CPSF7: variants seen among roughly 807,000 people sequenced by gnomAD.
CPSF7 encodes cleavage and polyadenylation specific factor 7.
CPSF7 carries 1 observed loss-of-function variant against 44.3 expected under a neutral mutation model. The observed-to-expected ratio is 0.02, with a 90% confidence interval of 0.01 to 0.11. The LOEUF (loss-of-function observed/expected upper bound fraction) is 0.11. CPSF7 is among the 10% of genes least tolerant of loss of function. CPSF7 has a pLI of 1.00. For synonymous variants in CPSF7, 202 were observed against 222.0 expected (o/e 0.91, Z 0.80); for missense variants, 443 against 607.2 (o/e 0.73, Z 2.84).
At chr11:61,429,498 C>G in intron 1 of CPSF7, 2 of 533,830 alleles carry the variant, frequency 3.7e-6, no homozygotes, top group Non-Finnish European at 6.4e-6. Flanking sequence ...TCGGGCCCGA[C>G]CCGGGTAGCG....
At chr11:61,419,904 C>T (rs955160199) in intron 5 of CPSF7, 45 bp downstream of exon 5, 5 of 1,603,684 alleles carry the variant, frequency 3.1e-6, no homozygotes, top group Non-Finnish European at 4.3e-6. Context: ...CCCCCTCATA[C>T]AGATGGTCTC....
chr11:61,422,916 T>G (rs960087891), intron 2 of CPSF7, among the ~76,000 whole-genome samples: 2 of 151,800 alleles, frequency 1.3e-5, no homozygotes, highest in Non-Finnish European at 2.9e-5. Context: ...GCAAACTGCT[T>G]GAGCCCAAGA....
At position 61,421,467 on chromosome 11, in the gene CPSF7, T is replaced by C. The variant is rs1860874009; in HGVS notation, c.196A>G (p.Lys66Glu). 1 of 1,614,096 alleles carries C rather than the reference T, an allele frequency of 6.2e-7. No individual in the cohort carries two copies. Among genetic ancestry groups the C allele is most frequent in the Non-Finnish European group, 8.5e-7 (1 of 1,180,000 alleles). Reference protein sequence around the residue: ...RQEPSPKPNNKTPAILYTYSG... With the variant: ...RQEPSPKPNNETPAILYTYSG... ...TAGGTATACAGAATTGCAGGGGTCTTGTTGTTGGGCTTGGGAGATGGCTCC... is the reference window on the plus strand; with the variant it reads ...TAGGTATACAGAATTGCAGGGGTCTCGTTGTTGGGCTTGGGAGATGGCTCC... Residue 66 changes from lysine to glutamate, a missense_variant, in exon 3 of 10, where the codon AAG (lysine) becomes GAG (glutamate). Transcript: ENST00000439958.
chr11:61,405,411 T>C (rs765053686), intron 9 of CPSF7, among the ~76,000 whole-genome samples: 1 of 152,102 alleles, frequency 6.6e-6, no homozygotes. Flanking sequence ...CCAGGAAACA[T>C]ACTAACACTA....
In CPSF7 at chr11:61,428,093, C is replaced by A. The variant is rs142731305; in HGVS notation, c.54+1089G>T. ...AAATAACCCAGGCAAGATATTAGTA[C>A]GTTTTCAATAGAAATTTTGGAACAT... On this transcript the variant is annotated intron_variant, in intron 2 of 9. Transcript: ENST00000439958. Among the ~76,000 whole-genome samples the A allele has an allele frequency of 7.2e-5, 11 of 152,282 alleles. No individual in the cohort carries two copies. In the East Asian group the frequency reaches 1.4e-3, roughly 19 times the overall value.
intron 2 of CPSF7, among the ~76,000 whole-genome samples, chr11:61,428,243 C>T (rs1861588092): frequency 6.6e-6 from 1 of 152,132 alleles, no homozygotes; most frequent in Non-Finnish European, 1.5e-5. Context: ...GTGCAGCGGC[C>T]CAATCATGGC....
intron 2 of CPSF7, among the ~76,000 whole-genome samples, chr11:61,427,869 A>G (rs1216986053): frequency 2.0e-5 from 3 of 152,144 alleles, no homozygotes; most frequent in Admixed American, 2.0e-4. Context: ...CAAAAAATAG[A>G]TTTTCATGTA....
At chr11:61,406,798 A>G (rs1302281773) in intron 9 of CPSF7, among the ~76,000 whole-genome samples, 2 of 152,132 alleles carry the variant, frequency 1.3e-5, no homozygotes, top group African/African-American at 4.8e-5. Flanking sequence ...GCTGGAGTGC[A>G]GTGGCACAAA....
intron 9 of CPSF7, among the ~76,000 whole-genome samples, chr11:61,408,839 T>C (rs1859572486): frequency 6.6e-6 from 1 of 152,210 alleles, no homozygotes; most frequent in Non-Finnish European, 1.5e-5. Flanking sequence ...TCTCCATTAC[T>C]TAAGAGTTTT....
Position 61,429,268 on chromosome 11 carries a change from T to C in CPSF7, c.-33A>G. The C allele has an allele frequency of 6.2e-7, 1 of 1,612,676 alleles. No homozygotes were observed. The highest frequency in any genetic ancestry group is 8.5e-7 in the Non-Finnish European group (1 of 1,178,814). On this transcript the variant is annotated 5_prime_UTR_variant, in exon 2 of 10. Coordinates refer to ENST00000439958, the MANE Select transcript of CPSF7 (RefSeq NM_001142565.3). ...GAAGGAAGATCGCGAGTCCGGAGGA[T>C]GGACAAAGTAAGGAAGATGCCACTG...
rs1861763174 is a variant in CPSF7 at position 61,429,662 on chromosome 11, G to T, written c.-56+252C>A. On this transcript the variant is annotated intron_variant, in intron 1 of 9. Coordinates refer to ENST00000439958, the MANE Select transcript of CPSF7 (RefSeq NM_001142565.3). Reference sequence around the variant, plus strand: ...AGCCCCCAAGGCGGCTCCGGCCAGAGCCCCCAGGTGTCAAGCAGCTCCAGC... The same window carrying T: ...AGCCCCCAAGGCGGCTCCGGCCAGATCCCCCAGGTGTCAAGCAGCTCCAGC... The T allele has an allele frequency of 2.9e-6, 4 of 1,379,044 alleles. No homozygotes were observed. In the Admixed American group the frequency reaches 8.2e-5, roughly 28 times the overall value. 85.4% of individuals were successfully genotyped at this position (1,379,044 alleles called of 1,614,324 possible).
intron 1 of CPSF7, chr11:61,429,521 C>T (rs958651791): frequency 5.2e-5 from 28 of 542,974 alleles, no homozygotes; most frequent in Admixed American, 4.4e-4. Flanking sequence ...GCGTCTGCGC[C>T]GCAGCTGCCT....
At position 61,411,048 on chromosome 11, in the gene CPSF7, C is replaced by T. The variant is rs1480096262; in HGVS notation, c.1284G>A (p.Arg428=). The stretch of plus-strand genomic sequence containing the variant: ...CTTCATTATGAAGCAGATCCCGGTG[C>T]CTCCTGCTGCTCTCCCGGGACCGGC... The part of the protein sequence containing the change: ...SPSRSRESSR[R]HRDLLHNEDR... The change falls in exon 9 of 10, where the codon AGG becomes AGA. Residue 428 remains arginine, a synonymous_variant. Coordinates refer to ENST00000439958, the MANE Select transcript of CPSF7 (RefSeq NM_001142565.3). 6 of 1,613,512 alleles carry T rather than the reference C, an allele frequency of 3.7e-6. No individual in the cohort carries two copies. Among genetic ancestry groups the T allele is most frequent in the Non-Finnish European group, 5.1e-6 (6 of 1,179,924 alleles).
At chr11:61,426,541 T>C (rs772515889) in intron 2 of CPSF7, 3 of 152,182 alleles carry the variant, frequency 2.0e-5, no homozygotes, top group Admixed American at 6.5e-5. Flanking sequence ...ATACTACCTT[T>C]AGCCTGTCTT....
chr11:61,418,499 A>C (rs1173683536), intron 5 of CPSF7, among the ~76,000 whole-genome samples: 1 of 152,192 alleles, frequency 6.6e-6, no homozygotes, highest in Non-Finnish European at 1.5e-5. Context: ...TTCATAAACC[A>C]TAACACCAAT....
At chr11:61,412,458 G>A (rs536520264) in intron 7 of CPSF7, among the ~76,000 whole-genome samples, 90 of 152,018 alleles carry the variant, frequency 5.9e-4, no homozygotes, top group Non-Finnish European at 8.2e-4. Context: ...CCCAGCTAAT[G>A]TTTTGTATTA....
At chr11:61,417,316 T>A (rs1860429939) in intron 5 of CPSF7, among the ~76,000 whole-genome samples, 2 of 152,318 alleles carry the variant, frequency 1.3e-5, no homozygotes, top group South Asian at 4.1e-4. Flanking sequence ...CATCACCACA[T>A]GCTAGTATGG....
rs745688054 is a variant in CPSF7 at position 61,416,502 on chromosome 11, G to A, written c.541C>T (p.His181Tyr). ...QARKRIPPRAHSRDSSDSADG... is the reference protein window; with the variant it reads ...QARKRIPPRAYSRDSSDSADG... ...GCAGAATCACTAGAATCTCGGGAAT[G>A]GGCCCGTGGAGGTATTCCTATGAAG... The change falls in exon 6 of 10, where the codon CAT becomes TAT. Residue 181 changes from histidine to tyrosine, a missense_variant. Physicochemically the swap from His to Tyr is moderately conservative, Grantham distance 83 (BLOSUM62 2). Coordinates refer to ENST00000439958, the MANE Select transcript of CPSF7 (RefSeq NM_001142565.3). The A allele has an allele frequency of 6.2e-7, 1 of 1,614,126 alleles. No homozygotes were observed. The highest frequency in any genetic ancestry group is 1.1e-5 in the South Asian group (1 of 91,080).
chr11:61,411,804 C>T lies in CPSF7; in HGVS notation c.1191G>A (p.Lys397=), dbSNP rs1374772537. The part of the protein sequence containing the change: ...LKDCLHGIEA[K]SYSVGASGSS... ...TCCCACTGGCACCCACACTGTAGGA[C>T]TTGGCTTCGATGCCATGAAGACAGT... The change falls in exon 8 of 10, where the codon AAG becomes AAA. Residue 397 remains lysine, a synonymous_variant. Transcript: ENST00000439958. 1.9e-6 allele frequency: 3 copies of T among 1,613,630 alleles called. No homozygotes were observed. In the African/African-American group the frequency reaches 4.0e-5, roughly 22 times the overall value.
Sources: gnomAD v4.1 joint callset for allele counts (sites outside exome capture counted in the v4.1 genomes callset) on GRCh38, gnomAD v4.1.1 for gene constraint, MANE v1.5 for transcripts, NCBI Gene and HGNC (gene_info 2026-07-23, HGNC 2026-07-21) for gene names.